Variants in MSRA observed in about 807,000 individuals in gnomAD.
The protein encoded by MSRA is methionine sulfoxide reductase A.
MSRA carries 54 observed loss-of-function variants against 31.3 expected under a neutral mutation model. The ratio of observed to expected loss-of-function variants is 1.73; its 90% CI spans 1.39 to 2.17. The LOEUF (loss-of-function observed/expected upper bound fraction) is 2.17. MSRA is among the 30% of genes most tolerant of loss of function. MSRA has a pLI of 0.00. For missense variants in MSRA, 507 were observed against 300.9 expected (o/e 1.69, Z -5.07); for synonymous variants, 169 against 116.5 (o/e 1.45, Z -2.90).
At chr8:10,256,347 C>A (rs537737050) in intron 3 of MSRA, among the ~76,000 whole-genome samples, 2 of 152,238 alleles carry the variant, frequency 1.3e-5, no homozygotes, top group South Asian at 4.2e-4. Flanking sequence ...CTGGATGTAC[C>A]CCAGTTTGCT....
At chr8:10,313,466 C>G (rs1408956902) in intron 4 of MSRA, among the ~76,000 whole-genome samples, 1 of 147,302 alleles carries the variant, frequency 6.8e-6, no homozygotes, top group African/African-American at 2.5e-5. Context: ...ACCAAAAAAT[C>G]TAAAAAAAAA....
intron 1 of MSRA, among the ~76,000 whole-genome samples, chr8:10,179,213 T>G (rs1456002506): frequency 6.6e-6 from 1 of 152,208 alleles, no homozygotes; most frequent in Non-Finnish European, 1.5e-5. Flanking sequence ...AGAATCATCA[T>G]CTATTTTTTA....
At chr8:10,207,373 A>C (rs1437994762) in intron 1 of MSRA, among the ~76,000 whole-genome samples, 1 of 152,134 alleles carries the variant, frequency 6.6e-6, no homozygotes, top group Non-Finnish European at 1.5e-5. Context: ...TTTTTTGAAA[A>C]ATTGCTCCCA....
intron 5 of MSRA, among the ~76,000 whole-genome samples, chr8:10,353,122 A>G (rs980690057): frequency 1.3e-5 from 2 of 152,168 alleles, no homozygotes; most frequent in Non-Finnish European, 2.9e-5. Flanking sequence ...AGCCACAGAC[A>G]GGCGTGTGCA....
chr8:10,268,814 G>A (rs1798879435), intron 3 of MSRA, among the ~76,000 whole-genome samples: 1 of 152,200 alleles, frequency 6.6e-6, no homozygotes, highest in African/African-American at 2.4e-5. Context: ...CACACCTGGA[G>A]GAGCTAACCT....
At chr8:10,286,606 T>C (rs1455878295) in intron 3 of MSRA, among the ~76,000 whole-genome samples, 1 of 152,250 alleles carries the variant, frequency 6.6e-6, no homozygotes, top group Non-Finnish European at 1.5e-5. Context: ...TCCAGTTAGA[T>C]ATACTGTCTC....
At chr8:10,163,347 T>C (rs1486963964) in intron 1 of MSRA, among the ~76,000 whole-genome samples, 1 of 152,112 alleles carries the variant, frequency 6.6e-6, no homozygotes, top group Non-Finnish European at 1.5e-5. Flanking sequence ...TCACCTTCCA[T>C]TGTCTTCTCT....
intron 1 of MSRA, among the ~76,000 whole-genome samples, chr8:10,137,171 A>G (rs1802345433): frequency 6.6e-6 from 1 of 152,178 alleles, no homozygotes; most frequent in African/African-American, 2.4e-5. Flanking sequence ...CGCCCAGCAA[A>G]TCATCATTGG....
At chr8:10,090,309 A>G (rs1013201966) in intron 1 of MSRA, among the ~76,000 whole-genome samples, 51 of 152,290 alleles carry the variant, frequency 3.3e-4, no homozygotes, top group African/African-American at 1.2e-3. Flanking sequence ...CGATGTTTGG[A>G]TGGAATCAGG....
chr8:10,115,752 G>A lies in MSRA; in HGVS notation c.142+61094G>A, dbSNP rs550444892. ...AATTTGAGGAGGATACACTGGTCCCGCAGGGCAAGGACGTCATCTTAGTCA... is the reference window on the plus strand; with the variant it reads ...AATTTGAGGAGGATACACTGGTCCCACAGGGCAAGGACGTCATCTTAGTCA... On this transcript the variant is annotated intron_variant, in intron 1 of 5. Transcript: ENST00000317173. Among the ~76,000 whole-genome samples, 4 of 152,272 alleles carry A rather than the reference G, an allele frequency of 2.6e-5. No homozygotes were observed. The South Asian group carries it at 8.3e-4, about 32-fold the overall frequency.
chr8:10,137,473 C>G (rs940449413), intron 1 of MSRA, among the ~76,000 whole-genome samples: 1 of 152,162 alleles, frequency 6.6e-6, no homozygotes, highest in Non-Finnish European at 1.5e-5. Context: ...ATTCTGTGCC[C>G]TGTTTCATTC....
At chr8:10,167,485 AT>A (rs1805245189) in intron 1 of MSRA, among the ~76,000 whole-genome samples, 1 of 152,180 alleles carries the variant, frequency 6.6e-6, no homozygotes. Context: ...CAGCAGTGCC[AT>A]GAGGGAGGCT....
intron 4 of MSRA, among the ~76,000 whole-genome samples, chr8:10,317,464 G>A (rs535581376): frequency 1.3e-5 from 2 of 152,286 alleles, no homozygotes; most frequent in Non-Finnish European, 2.9e-5. Flanking sequence ...GAGAGGGAGA[G>A]AAACCTCAGA....
At chr8:10,155,916 T>C (rs1220070924) in intron 1 of MSRA, among the ~76,000 whole-genome samples, 3 of 152,180 alleles carry the variant, frequency 2.0e-5, no homozygotes, top group African/African-American at 7.2e-5. Context: ...TCAGGATGGA[T>C]GTGAAAACTA....
intron 1 of MSRA, among the ~76,000 whole-genome samples, chr8:10,068,705 A>C (rs1425077242): frequency 3.9e-5 from 6 of 152,204 alleles, no homozygotes; most frequent in African/African-American, 1.4e-4. Context: ...GTTGAAGTTG[A>C]GTAGCATCGG....
intron 3 of MSRA, among the ~76,000 whole-genome samples, chr8:10,292,875 G>T (rs1164620640): frequency 1.3e-5 from 2 of 152,146 alleles, no homozygotes; most frequent in Non-Finnish European, 2.9e-5. Context: ...GGGTTAGCCT[G>T]GCCTGGGGAG....
rs143527362 is a variant in MSRA, at chr8:10,057,728, C to T, written c.142+3070C>T. Among the ~76,000 whole-genome samples, 46 of 152,168 alleles carry T rather than the reference C, an allele frequency of 3.0e-4. 2 individuals are homozygous for T. The highest frequency in any genetic ancestry group is 2.5e-3 in the Admixed American group (38 of 15,274). On this transcript the variant is annotated intron_variant, in intron 1 of 5. Transcript: ENST00000317173. ...TGTAGCTTGCCCCTTTGCGCTCTCTCGTTCTCTCCTGCTCCTTTGTGTGGA... is the reference window on the plus strand; with the variant it reads ...TGTAGCTTGCCCCTTTGCGCTCTCTTGTTCTCTCCTGCTCCTTTGTGTGGA...
At chr8:10,156,254 G>T (rs950095998) in intron 1 of MSRA, among the ~76,000 whole-genome samples, 3 of 152,196 alleles carry the variant, frequency 2.0e-5, no homozygotes, top group African/African-American at 7.2e-5. Flanking sequence ...GAGACAATCG[G>T]GGAAATGTGA....
chr8:10,417,627 A>G (rs1808545691), intron 5 of MSRA, among the ~76,000 whole-genome samples: 16 of 152,006 alleles, frequency 1.1e-4, no homozygotes, highest in Admixed American at 1.0e-3. Flanking sequence ...GGCTTTATTT[A>G]AAAGCCATCC....
Sources: gnomAD v4.1 joint callset for allele counts (sites outside exome capture counted in the v4.1 genomes callset) on GRCh38, gnomAD v4.1.1 for gene constraint, MANE v1.5 for transcripts, NCBI Gene and HGNC (gene_info 2026-07-23, HGNC 2026-07-21) for gene names.